Variants in PSPC1 observed in about 807,000 individuals in gnomAD.
The protein encoded by PSPC1 is paraspeckle protein 1.
A neutral mutation model predicts 51.6 loss-of-function variants in PSPC1; 14 were observed. The observed-to-expected ratio is 0.27, with a 90% confidence interval of 0.18 to 0.42. PSPC1 has a LOEUF of 0.42. Among genes scored for constraint, PSPC1 ranks in the 10% least tolerant of loss-of-function variants. The pLI, the probability that PSPC1 is intolerant of heterozygous loss-of-function variation, is 1.00. For missense variants in PSPC1, 406 were observed against 701.1 expected (o/e 0.58, Z 4.75); for synonymous variants, 193 against 231.9 (o/e 0.83, Z 1.53).
At chr13:19,768,105 G>A (rs1888244815) in intron 2 of PSPC1, among the ~76,000 whole-genome samples, 1 of 151,832 alleles carries the variant, frequency 6.6e-6, no homozygotes, top group African/African-American at 2.4e-5. Context: ...CATGCCTGTA[G>A]TCCTAGCTAC....
intron 6 of PSPC1, among the ~76,000 whole-genome samples, chr13:19,696,959 T>A (rs375768704): frequency 2.6e-5 from 4 of 152,186 alleles, no homozygotes; most frequent in African/African-American, 9.6e-5. Flanking sequence ...TAACACTCAA[T>A]AGCTAATATG....
intron 6 of PSPC1, among the ~76,000 whole-genome samples, chr13:19,727,409 A>T (rs757881056): frequency 1.4e-4 from 22 of 152,142 alleles, no homozygotes; most frequent in Non-Finnish European, 2.6e-4. Context: ...AATAAATAAA[A>T]AAAAAAAGAA....
intron 6 of PSPC1, among the ~76,000 whole-genome samples, chr13:19,687,837 C>T (rs1476223553): frequency 6.6e-6 from 1 of 152,114 alleles, no homozygotes; most frequent in African/African-American, 2.4e-5. Context: ...TACTGTCATT[C>T]TCTTGCCAAA....
At chr13:19,726,053 G>A (rs1165285252) in intron 6 of PSPC1, among the ~76,000 whole-genome samples, 1 of 152,168 alleles carries the variant, frequency 6.6e-6, no homozygotes, top group African/African-American at 2.4e-5. Flanking sequence ...TACTTGGGAG[G>A]CTGAGGCAGG....
At chr13:19,689,333 C>T (rs1184896650) in intron 6 of PSPC1, among the ~76,000 whole-genome samples, 1 of 152,166 alleles carries the variant, frequency 6.6e-6, no homozygotes, top group African/African-American at 2.4e-5. Context: ...ACACTGAACA[C>T]TGGGAAAACA....
At chr13:19,778,388 TC>T (rs1889438966) in intron 1 of PSPC1, among the ~76,000 whole-genome samples, 6 of 26,586 alleles carry the variant, frequency 2.3e-4, no homozygotes, top group Admixed American at 7.3e-4. Flanking sequence ...CCCCTCCCCC[TC>T]CCCCTCCCTC....
intron 7 of PSPC1, among the ~76,000 whole-genome samples, chr13:19,707,385 A>G (rs1467620978): frequency 6.6e-6 from 1 of 152,234 alleles, no homozygotes; most frequent in Non-Finnish European, 1.5e-5. Context: ...GATTACTAGA[A>G]AGGTAGCATT....
chr13:19,683,415 AAG>A (rs1326429533), intron 6 of PSPC1, among the ~76,000 whole-genome samples: 1 of 152,128 alleles, frequency 6.6e-6, no homozygotes, highest in Non-Finnish European at 1.5e-5. Context: ...GGAGAGAAAA[AAG>A]AGTACATATT....
At chr13:19,692,536 A>G (rs1328223622) in intron 6 of PSPC1, among the ~76,000 whole-genome samples, 1 of 152,182 alleles carries the variant, frequency 6.6e-6, no homozygotes, top group African/African-American at 2.4e-5. Context: ...GTCCTGTGAG[A>G]TAATATATTT....
At chr13:19,719,336 AAAT>A (rs1441978168) in intron 6 of PSPC1, among the ~76,000 whole-genome samples, 1 of 152,136 alleles carries the variant, frequency 6.6e-6, no homozygotes, top group Non-Finnish European at 1.5e-5. Context: ...ATTACATTAA[AAAT>A]AATAATAATA....
intron 6 of PSPC1, among the ~76,000 whole-genome samples, chr13:19,691,917 C>CA (rs1565963031): frequency 6.6e-6 from 1 of 151,868 alleles, no homozygotes; most frequent in Non-Finnish European, 1.5e-5. Context: ...GACCCCATCT[C>CA]AAAAAAGAGA....
In PSPC1 at chr13:19,768,642, T is replaced by G. The variant is rs1360179350; in HGVS notation, c.674+3600A>C. ...CAGGCTGGGCAACAGAGCAAGACTC[T>G]GTCTCAAATAAAAGAAAAGAAAAAA... On this transcript the variant is annotated intron_variant, in intron 2 of 8. Coordinates refer to ENST00000338910, the MANE Select transcript of PSPC1 (RefSeq NM_001354909.2). Among the ~76,000 whole-genome samples, 4 of 150,242 alleles carry G rather than the reference T, an allele frequency of 2.7e-5. 1 individual carries two copies. Among genetic ancestry groups the G allele is most frequent in the Non-Finnish European group, 5.9e-5 (4 of 67,716 alleles).
At position 19,694,160 on chromosome 13, in the gene PSPC1, T is replaced by TATATAC. The variant is rs1198031302; in HGVS notation, c.1159-16338_1159-16337insGTATAT. 1.0e-2 allele frequency among the ~76,000 whole-genome samples: 1,361 copies of TATATAC among 136,754 alleles called. 10 individuals carry two copies. The highest frequency in any genetic ancestry group is 0.039 in the Middle Eastern group (10 of 258). The allele number at this position is 136,754 out of a possible 152,430, so 89.7% of individuals were successfully genotyped here. ...AAAAAAAAAAAAAAAACCATATATA[T>TATATAC]ATATATACATACACACATACACACA... On this transcript the variant is annotated intron_variant and NMD_transcript_variant, in intron 6 of 7. Transcript: ENST00000471658.
In PSPC1 at chr13:19,782,699, C is replaced by T; in HGVS notation, c.59G>A (p.Arg20His). ...VRIEKNPARL[R>H]ALESAVGESE... Reference sequence around the variant, plus strand: ...CTCGCCCACCGCGGACTCCAGGGCGCGAAGGCGGGCCGGGTTTTTCTCAAT... The same window carrying T: ...CTCGCCCACCGCGGACTCCAGGGCGTGAAGGCGGGCCGGGTTTTTCTCAAT... The change falls in exon 1 of 9, where the codon CGC becomes CAC. Residue 20 changes from arginine to histidine, a missense_variant. Arg to His is a conservative substitution (Grantham distance 29). Around this residue, in one of 5 missense-constraint regions of PSPC1, gnomAD observed 128 missense variants for 107.1 expected, o/e 1.20. Coordinates refer to ENST00000338910, the MANE Select transcript of PSPC1 (RefSeq NM_001354909.2). The surrounding 1 kb of genome is among the most constrained non-coding windows in gnomAD (Gnocchi z 4.5). 1.9e-6 allele frequency: 3 copies of T among 1,571,778 alleles called. No individual in the cohort carries two copies. The highest frequency in any genetic ancestry group is 1.1e-5 in the South Asian group (1 of 87,668).
chr13:19,724,793 G>C (rs992992652), intron 6 of PSPC1, among the ~76,000 whole-genome samples: 1 of 152,156 alleles, frequency 6.6e-6, no homozygotes, highest in African/African-American at 2.4e-5. Context: ...GAGGTCAAGA[G>C]ATCGAGACCA....
intron 1 of PSPC1, among the ~76,000 whole-genome samples, chr13:19,772,933 G>A (rs906793223): frequency 1.3e-5 from 2 of 152,034 alleles, no homozygotes; most frequent in Non-Finnish European, 2.9e-5. Context: ...AGGCTGAGGC[G>A]GGCGGATCAC....
chr13:19,729,638 TAAAA>T (rs113820678), intron 6 of PSPC1, among the ~76,000 whole-genome samples: 1 of 145,612 alleles, frequency 6.9e-6, no homozygotes, highest in African/African-American at 2.5e-5. Flanking sequence ...ACCAAATGTT[TAAAA>T]AAAAAAAAAT....
rs116421219 is a variant in PSPC1, at chr13:19,683,340, C to T, written c.1159-5517G>A. 9.7e-3 allele frequency among the ~76,000 whole-genome samples: 1,479 copies of T among 152,248 alleles called. 25 individuals carry two copies. Among genetic ancestry groups the T allele is most frequent in the African/African-American group, 0.032 (1,325 of 41,526 alleles). ...GATATGTCATTGAGCAGAATGAGAACCACGTACTGATAAATGCAGCAACAC... is the reference window on the plus strand; with the variant it reads ...GATATGTCATTGAGCAGAATGAGAATCACGTACTGATAAATGCAGCAACAC... On this transcript the variant is annotated intron_variant and NMD_transcript_variant, in intron 6 of 7. Coordinates refer to the PSPC1 transcript ENST00000471658.
intron 2 of PSPC1, among the ~76,000 whole-genome samples, chr13:19,769,167 T>C (rs1288561951): frequency 6.7e-6 from 1 of 150,060 alleles, no homozygotes; most frequent in Admixed American, 6.6e-5. Context: ...AAATTAATAA[T>C]AGGCTGGGCG....
Sources: gnomAD v4.1 joint callset for allele counts (sites outside exome capture counted in the v4.1 genomes callset) on GRCh38, gnomAD v4.1.1 for gene constraint, gnomAD v4.1.1 regional missense constraint, Gnocchi (gnomAD v3.1) non-coding constraint, MANE v1.5 for transcripts, NCBI Gene and HGNC (gene_info 2026-07-23, HGNC 2026-07-21) for gene names.